CDYL: variants seen among roughly 807,000 people sequenced by gnomAD.
CDYL encodes the protein chromodomain Y like, also known as chromodomain Y-like protein.
CDYL carries 8 observed loss-of-function variants against 47.3 expected under a neutral mutation model. The observed-to-expected ratio is 0.17, with a 90% CI of 0.10 to 0.31. The LOEUF (loss-of-function observed/expected upper bound fraction) is 0.31, where lower values mean the gene tolerates loss of function less well. CDYL is among the 10% of genes least tolerant of loss of function. The pLI, the probability that CDYL is intolerant of heterozygous loss-of-function variation, is 1.00. For missense variants in CDYL, 471 were observed against 701.4 expected, an observed-to-expected ratio of 0.67 and a Z score of 3.71; for synonymous variants, 266 against 265.0, an observed-to-expected ratio of 1.00 and a Z score of -0.04.
chr6:4,851,726 G>A (rs924294736), intron 1 of CDYL, among the ~76,000 whole-genome samples: 1 of 152,206 alleles, frequency 6.6e-6, no homozygotes, highest in Admixed American at 6.5e-5. Context: ...GATCGTGGCT[G>A]TGCACGTAGT....
chr6:4,782,573 G>A (rs963457241), intron 1 of CDYL, among the ~76,000 whole-genome samples: 6 of 152,132 alleles, frequency 3.9e-5, no homozygotes, highest in South Asian at 2.1e-4. Context: ...TGGGGTTCAC[G>A]TTCTCTAGGA....
chr6:4,883,920 C>T (rs781740312), intron 1 of CDYL, among the ~76,000 whole-genome samples: 3 of 152,192 alleles, frequency 2.0e-5, no homozygotes, highest in Admixed American at 6.5e-5. Context: ...CCTCATAGAA[C>T]AGTGGCAAAC....
At chr6:4,912,132 T>C (rs1757431752) in intron 2 of CDYL, among the ~76,000 whole-genome samples, 1 of 152,204 alleles carries the variant, frequency 6.6e-6, no homozygotes, top group Admixed American at 6.5e-5. Context: ...TGAAGGTACA[T>C]GGCCATAAAG....
At chr6:4,727,697 C>A (rs1056381695) in intron 2 of CDYL, among the ~76,000 whole-genome samples, 2 of 141,934 alleles carry the variant, frequency 1.4e-5, no homozygotes, top group Non-Finnish European at 3.0e-5. Context: ...CTTGAATTTT[C>A]CCTGACAAAC....
chr6:4,727,950 G>T (rs970132982), intron 2 of CDYL, among the ~76,000 whole-genome samples: 4 of 152,132 alleles, frequency 2.6e-5, no homozygotes, highest in Admixed American at 1.3e-4. Flanking sequence ...TAGAGCCTGT[G>T]ACTGCCTCTC....
At chr6:4,896,036 C>G (rs1352843980) in intron 2 of CDYL, among the ~76,000 whole-genome samples, 4 of 152,226 alleles carry the variant, frequency 2.6e-5, no homozygotes, top group Admixed American at 2.0e-4. Context: ...CTCTACCCCT[C>G]TCTCACTTCT....
chr6:4,716,246 CAAAA>C (rs35962503), intron 2 of CDYL, among the ~76,000 whole-genome samples: 24 of 121,130 alleles, frequency 2.0e-4, no homozygotes, highest in African/African-American at 2.9e-4. Context: ...GACTCCATCT[CAAAA>C]AAAAAAAAAA....
At chr6:4,797,611 C>G (rs76307116) in intron 1 of CDYL, among the ~76,000 whole-genome samples, 4,947 of 152,250 alleles carry the variant, frequency 0.032, 270 homozygotes, top group African/African-American at 0.11. Context: ...CCATCTTACT[C>G]TAGACCCCTG....
At chr6:4,856,474 A>G (rs79498112) in intron 1 of CDYL, among the ~76,000 whole-genome samples, 3,312 of 152,304 alleles carry the variant, frequency 0.022, 128 homozygotes, top group African/African-American at 0.076. Context: ...AAGGGGCCAG[A>G]AGGGCAGTCC....
intron 1 of CDYL, among the ~76,000 whole-genome samples, chr6:4,838,307 CT>C (rs1430702885): frequency 2.0e-5 from 3 of 152,054 alleles, no homozygotes; most frequent in African/African-American, 7.2e-5. Flanking sequence ...CCTCACCCCC[CT>C]CCCACCCTTT....
intron 1 of CDYL, among the ~76,000 whole-genome samples, chr6:4,825,470 C>T (rs1196732846): frequency 6.6e-6 from 1 of 152,168 alleles, no homozygotes; most frequent in African/African-American, 2.4e-5. Context: ...AGTGTATTAG[C>T]TGTGAGTTTT....
chr6:4,889,247 C>G (rs957903917), intron 1 of CDYL, among the ~76,000 whole-genome samples: 1 of 150,568 alleles, frequency 6.6e-6, no homozygotes, highest in Non-Finnish European at 1.5e-5. Context: ...TTTTTTGAGA[C>G]GGAGTCTTGC....
intron 6 of CDYL, among the ~76,000 whole-genome samples, chr6:4,953,643 TGC>T (rs1758777597): frequency 1.3e-5 from 2 of 152,210 alleles, no homozygotes; most frequent in African/African-American, 4.8e-5. Flanking sequence ...GGGCCGAGGC[TGC>T]TCACAGGCTG....
intron 1 of CDYL, among the ~76,000 whole-genome samples, chr6:4,866,194 C>G (rs1240298902): frequency 2.0e-5 from 3 of 151,906 alleles, no homozygotes; most frequent in Admixed American, 6.6e-5. Context: ...TGGAGTCGGT[C>G]AAGTACCCAA....
intron 2 of CDYL, among the ~76,000 whole-genome samples, chr6:4,727,419 C>T (rs905279650): frequency 2.6e-5 from 4 of 152,142 alleles, no homozygotes; most frequent in African/African-American, 9.7e-5. Flanking sequence ...GCAACACAGC[C>T]TTCCACAGGC....
At chr6:4,937,878 T>A in intron 4 of CDYL, 141 bp downstream of exon 4, 2 of 651,224 alleles carry the variant, frequency 3.1e-6, no homozygotes, top group Non-Finnish European at 5.1e-6. Context: ...CAAAATTAAT[T>A]AAATCATCTG....
At chr6:4,754,394 T>G (rs563359334) in intron 3 of CDYL, among the ~76,000 whole-genome samples, 7 of 152,302 alleles carry the variant, frequency 4.6e-5, no homozygotes, top group African/African-American at 1.2e-4. Flanking sequence ...TCTCTTAAAT[T>G]TATAAACAGA....
chr6:4,772,033 A>G (rs1028084082), upstream of CDYL, among the ~76,000 whole-genome samples: 6 of 152,250 alleles, frequency 3.9e-5, no homozygotes, highest in Non-Finnish European at 7.3e-5. Context: ...CAACAAGTAC[A>G]TATTACAAGG....
chr6:4,923,743 TA>T (rs1757784095), intron 2 of CDYL, among the ~76,000 whole-genome samples: 1 of 151,992 alleles, frequency 6.6e-6, no homozygotes, highest in Admixed American at 6.5e-5. Flanking sequence ...AAAAAATATT[TA>T]AAAAAAATTA....
Sources: allele counts gnomAD v4.1 joint callset (sites outside exome capture counted in the v4.1 genomes callset), GRCh38; gene constraint gnomAD v4.1.1; transcripts MANE v1.5; gene names NCBI Gene and HGNC (gene_info 2026-07-23, HGNC 2026-07-21).